PPFIA2: variants seen among roughly 807,000 people sequenced by gnomAD.
The protein encoded by PPFIA2 is PPFI scaffold protein A2.
PPFIA2 carries 46 observed loss-of-function variants against 175.5 expected under a neutral mutation model. The observed-to-expected ratio is 0.26, with a 90% CI of 0.21 to 0.34. The LOEUF (loss-of-function observed/expected upper bound fraction) is 0.34. Ranked by LOEUF, PPFIA2 falls within the 10% of genes least tolerant of loss-of-function variation. The pLI is 1.00. For missense variants in PPFIA2, 1,179 were observed against 1,506.1 expected (o/e 0.78, Z 3.60); for synonymous variants, 568 against 511.4 (o/e 1.11, Z -1.49).
chr12:81,755,962 C>T (rs989195312), intron 2 of PPFIA2, among the ~76,000 whole-genome samples: 2 of 152,080 alleles, frequency 1.3e-5, no homozygotes, highest in Non-Finnish European at 2.9e-5. Flanking sequence ...AAGACTATCA[C>T]AAAGATGGAA....
intron 22 of PPFIA2, among the ~76,000 whole-genome samples, chr12:81,304,543 T>C (rs1395072855): frequency 1.3e-5 from 2 of 152,166 alleles, no homozygotes; most frequent in Admixed American, 1.3e-4. Flanking sequence ...GGAACATAGA[T>C]GTCTATAACG....
At chr12:81,508,960 CCAA>C in intron 4 of PPFIA2, among the ~76,000 whole-genome samples, 1 of 152,148 alleles carries the variant, frequency 6.6e-6, no homozygotes, top group African/African-American at 2.4e-5. Context: ...ACCCAAATGT[CCAA>C]CAACGATAGA....
At chr12:81,487,971 A>G (rs779438059) in intron 4 of PPFIA2, among the ~76,000 whole-genome samples, 14 of 151,938 alleles carry the variant, frequency 9.2e-5, no homozygotes, top group Admixed American at 3.3e-4. Flanking sequence ...TGTATTCATT[A>G]TCACTTTTAA....
chr12:81,535,498 T>A (rs2065242956), intron 4 of PPFIA2: 2 of 454,898 alleles, frequency 4.4e-6, no homozygotes, highest in Admixed American at 4.7e-5. Flanking sequence ...TGCCATGAGA[T>A]CAGGTTGAGA....
intron 4 of PPFIA2, among the ~76,000 whole-genome samples, chr12:81,570,149 G>A (rs1387195015): frequency 6.6e-6 from 1 of 152,026 alleles, no homozygotes; most frequent in African/African-American, 2.4e-5. Context: ...TAACCATATG[G>A]TTAACATCAT....
chr12:81,415,177 TAAAAAAAAAAAAAAAAAAA>T lies in PPFIA2; in HGVS notation c.646-9293_646-9275del, dbSNP rs1165680008. On this transcript the variant is annotated intron_variant, in intron 7 of 32. Coordinates refer to ENST00000549396, the MANE Select transcript of PPFIA2 (RefSeq NM_003625.5). ...TTGTGAGAATTTATCTTGGTTCAGG[TAAAAAAAAAAAAAAAAAAA>T]AAAAAAAAAAAAAAATATATATATA... is the stretch of plus-strand genomic sequence containing the variant. Among the ~76,000 whole-genome samples the T allele has an allele frequency of 2.5e-3, 39 of 15,338 alleles. 2 individuals are homozygous for T. Among genetic ancestry groups the T allele is most frequent in the East Asian group, 8.9e-3 (4 of 448 alleles). The allele number at this position is 15,338 out of a possible 152,430, so 10.1% of individuals were successfully genotyped here. A position where few individuals can be genotyped will look rare whatever the true frequency, so the allele number is the denominator to read the frequency against.
intron 21 of PPFIA2, among the ~76,000 whole-genome samples, chr12:81,328,358 A>T (rs1179366119): frequency 6.6e-6 from 1 of 152,206 alleles, no homozygotes; most frequent in Admixed American, 6.5e-5. Flanking sequence ...AAGCTCTTGA[A>T]ATGTGCCTAA....
intron 21 of PPFIA2, among the ~76,000 whole-genome samples, chr12:81,335,611 G>A (rs2056982628): frequency 6.6e-6 from 1 of 152,066 alleles, no homozygotes; most frequent in Non-Finnish European, 1.5e-5. Context: ...AGGCATGGTG[G>A]TGGGTGCCTG....
chr12:81,513,142 G>A (rs2061994960), intron 4 of PPFIA2, among the ~76,000 whole-genome samples: 1 of 151,840 alleles, frequency 6.6e-6, no homozygotes, highest in African/African-American at 2.4e-5. Context: ...CAACAAACAT[G>A]GAAAAATGCT....
At chr12:81,312,149 A>C in intron 22 of PPFIA2, 1 of 1,535,002 alleles carries the variant, frequency 6.5e-7, no homozygotes, top group Non-Finnish European at 8.7e-7. Context: ...AGCCATTGTG[A>C]TTCAACTTAC....
intron 4 of PPFIA2, among the ~76,000 whole-genome samples, chr12:81,516,381 T>C (rs1476100893): frequency 2.6e-5 from 4 of 152,190 alleles, no homozygotes; most frequent in African/African-American, 9.7e-5. Flanking sequence ...ATTTGATATA[T>C]AAAATAAAAT....
At chr12:81,469,938 C>A (rs2056437410) in intron 4 of PPFIA2, among the ~76,000 whole-genome samples, 1 of 152,158 alleles carries the variant, frequency 6.6e-6, no homozygotes, top group South Asian at 2.1e-4. Flanking sequence ...GAGAAGGCAG[C>A]CATCTGCAAG....
intron 3 of PPFIA2, among the ~76,000 whole-genome samples, chr12:81,681,273 A>G (rs1483721031): frequency 6.6e-6 from 1 of 152,062 alleles, no homozygotes; most frequent in African/African-American, 2.4e-5. Flanking sequence ...AGATAATGAA[A>G]GCTTCATTTT....
chr12:81,304,972 A>G lies in PPFIA2; in HGVS notation c.2643-5590T>C, dbSNP rs12304991. 2.4e-3 allele frequency among the ~76,000 whole-genome samples: 369 copies of G among 152,038 alleles called. 1 individual carries two copies. Among genetic ancestry groups the G allele is most frequent in the African/African-American group, 8.6e-3 (358 of 41,512 alleles). On this transcript the variant is annotated intron_variant, in intron 22 of 32. Transcript: ENST00000549396. ...GGATACAAGTTAGAAGGTTGTTTCA[A>G]TTTTCAAGCAGAAGATAATGGTTGC... is the stretch of plus-strand genomic sequence containing the variant.
intron 3 of PPFIA2, among the ~76,000 whole-genome samples, chr12:81,734,682 A>T (rs2081346799): frequency 6.6e-6 from 1 of 151,824 alleles, no homozygotes; most frequent in Admixed American, 6.6e-5. Context: ...TAACATCTTA[A>T]TTGAAAAATA....
At chr12:81,269,659 C>T (rs1175344768) in intron 28 of PPFIA2, among the ~76,000 whole-genome samples, 4 of 152,208 alleles carry the variant, frequency 2.6e-5, no homozygotes, top group African/African-American at 9.6e-5. Flanking sequence ...AATATTCTGA[C>T]TTCTTTCATT....
chr12:81,369,248 T>C, intron 11 of PPFIA2, 54 bp from the exon 12 acceptor site: 1 of 1,577,604 alleles, frequency 6.3e-7, no homozygotes, highest in Non-Finnish European at 8.6e-7. Flanking sequence ...TTAACACTTT[T>C]CCTCTAAATA....
chr12:81,506,858 G>A (rs907425904), intron 4 of PPFIA2, among the ~76,000 whole-genome samples: 1 of 152,150 alleles, frequency 6.6e-6, no homozygotes, highest in Non-Finnish European at 1.5e-5. Context: ...TATACAGCAG[G>A]CATGGCTGTG....
chr12:81,512,365 T>G (rs1347939564), intron 4 of PPFIA2: 1 of 1,288,316 alleles, frequency 7.8e-7, no homozygotes, highest in African/African-American at 1.5e-5. Flanking sequence ...AACAAATTAC[T>G]TACATTCTCT....
Sources: gnomAD v4.1 joint callset for allele counts (sites outside exome capture counted in the v4.1 genomes callset) on GRCh38, gnomAD v4.1.1 for gene constraint, MANE v1.5 for transcripts, NCBI Gene and HGNC (gene_info 2026-07-23, HGNC 2026-07-21) for gene names.